NKAIN2: variants seen among roughly 807,000 people sequenced by gnomAD.
NKAIN2 encodes sodium/potassium-transporting ATPase subunit beta-1-interacting protein 2.
A neutral mutation model predicts 32.6 loss-of-function variants in NKAIN2; 14 were observed. The ratio of observed to expected loss-of-function variants is 0.43; its 90% CI spans 0.28 to 0.67. NKAIN2 has a LOEUF of 0.67. Among genes scored for constraint, NKAIN2 ranks in the 30% least tolerant of loss-of-function variants. The pLI is 0.17. For synonymous variants in NKAIN2, 80 were observed against 87.2 expected, an observed-to-expected ratio of 0.92 and a Z score of 0.46; for missense variants, 198 against 258.3, an observed-to-expected ratio of 0.77 and a Z score of 1.60.
intron 3 of NKAIN2, among the ~76,000 whole-genome samples, chr6:124,536,268 T>G (rs1297423651): frequency 1.3e-5 from 2 of 152,180 alleles, no homozygotes; most frequent in Non-Finnish European, 2.9e-5. Flanking sequence ...CAACTGAGTC[T>G]TTATTGAGTA....
At position 124,611,542 on chromosome 6, in the gene NKAIN2, G is replaced by A. The variant is rs867568693; in HGVS notation, c.274-46644G>A. On this transcript the variant is annotated intron_variant, in intron 3 of 6. Transcript: ENST00000368417. ...CTCCCTTCGCTTGCCCCCACCTCCC[G>A]ACAGGCCCTGGTGTGTAATGTTCCC... Among the ~76,000 whole-genome samples the A allele has an allele frequency of 2.6e-5, 4 of 151,974 alleles. No individual in the cohort carries two copies. In the South Asian group the frequency reaches 6.2e-4, roughly 24 times the overall value.
intron 4 of NKAIN2, among the ~76,000 whole-genome samples, chr6:124,774,063 TC>T (rs1778880141): frequency 6.6e-6 from 1 of 151,822 alleles, no homozygotes; most frequent in Non-Finnish European, 1.5e-5. Flanking sequence ...GATTGGAGAG[TC>T]ATGGAAGATT....
chr6:124,429,251 T>C (rs1431544124), intron 3 of NKAIN2, among the ~76,000 whole-genome samples: 5 of 152,040 alleles, frequency 3.3e-5, no homozygotes, highest in African/African-American at 1.2e-4. Flanking sequence ...TTTCACTGTT[T>C]TGGTCAGGCT....
At chr6:124,637,919 T>G (rs1783833721) in intron 3 of NKAIN2, among the ~76,000 whole-genome samples, 1 of 152,068 alleles carries the variant, frequency 6.6e-6, no homozygotes, top group African/African-American at 2.4e-5. Context: ...CTAATACTTG[T>G]ATGGAACCAC....
At chr6:124,631,271 T>C (rs1783554823) in intron 3 of NKAIN2, among the ~76,000 whole-genome samples, 1 of 152,160 alleles carries the variant, frequency 6.6e-6, no homozygotes, top group Non-Finnish European at 1.5e-5. Context: ...AATGAGTAGT[T>C]GTCAATGGAG....
intron 1 of NKAIN2, among the ~76,000 whole-genome samples, chr6:123,957,375 T>G (rs1457023053): frequency 2.0e-5 from 3 of 152,204 alleles, no homozygotes; most frequent in African/African-American, 7.2e-5. Flanking sequence ...GTCTTTATTT[T>G]TGTATCATCA....
At chr6:123,836,358 TACC>T (rs1477891727) in intron 1 of NKAIN2, among the ~76,000 whole-genome samples, 1 of 152,126 alleles carries the variant, frequency 6.6e-6, no homozygotes, top group Non-Finnish European at 1.5e-5. Flanking sequence ...AGATTAATAT[TACC>T]ACGAGAAATT....
chr6:124,624,418 T>C (rs74322738), intron 3 of NKAIN2, among the ~76,000 whole-genome samples: 3,610 of 152,240 alleles, frequency 0.024, 119 homozygotes, highest in African/African-American at 0.084. Flanking sequence ...CTGAGACCCT[T>C]TGTGGCTTTA....
chr6:124,660,964 C>G (rs1382061232), intron 4 of NKAIN2, among the ~76,000 whole-genome samples: 4 of 152,214 alleles, frequency 2.6e-5, no homozygotes, highest in Non-Finnish European at 4.4e-5. Flanking sequence ...TGTCTTAAAT[C>G]TCTGTCCCTC....
chr6:123,901,617 G>C (rs947834880), intron 1 of NKAIN2, among the ~76,000 whole-genome samples: 8 of 151,954 alleles, frequency 5.3e-5, no homozygotes, highest in African/African-American at 1.9e-4. Context: ...TTTCCCTTCC[G>C]GCTCCCTCTG....
chr6:123,960,558 A>G lies in NKAIN2; in HGVS notation c.54+156304A>G, dbSNP rs551005483. 2.0e-5 allele frequency among the ~76,000 whole-genome samples: 3 copies of G among 152,072 alleles called. No individual in the cohort carries two copies. In the South Asian group the frequency reaches 6.2e-4, roughly 32 times the overall value. On this transcript the variant is annotated intron_variant, in intron 1 of 6. Transcript: ENST00000368417. ...GCCATTCTTGAAGGAAAGTCTTCAC[A>G]TGGTTTCAACTCTGCAGCCCTCCTA...
intron 4 of NKAIN2, among the ~76,000 whole-genome samples, chr6:124,697,606 T>A (rs1257894313): frequency 6.6e-6 from 1 of 152,188 alleles, no homozygotes; most frequent in Non-Finnish European, 1.5e-5. Context: ...TGATGCAGGA[T>A]TTCAGCCTGC....
intron 1 of NKAIN2, among the ~76,000 whole-genome samples, chr6:124,169,347 C>T (rs1257469878): frequency 6.6e-6 from 1 of 152,076 alleles, no homozygotes; most frequent in South Asian, 2.1e-4. Context: ...GCTCTTTTCA[C>T]AAGTTTATCT....
chr6:123,975,314 GA>G (rs1381963084), intron 1 of NKAIN2, among the ~76,000 whole-genome samples: 7 of 152,150 alleles, frequency 4.6e-5, no homozygotes, highest in African/African-American at 9.6e-5. Context: ...ACTTGAATGT[GA>G]AAAAAATTAT....
intron 3 of NKAIN2, among the ~76,000 whole-genome samples, chr6:124,610,317 G>A (rs538635057): frequency 2.0e-5 from 3 of 152,272 alleles, no homozygotes; most frequent in East Asian, 1.9e-4. Context: ...ACACATAACC[G>A]TCAGTCAAAA....
chr6:124,804,435 C>A (rs1306305225), intron 5 of NKAIN2: 7 of 841,174 alleles, frequency 8.3e-6, no homozygotes, highest in Non-Finnish European at 1.0e-5. Flanking sequence ...ACTATTATAG[C>A]TATTGCTTTT....
intron 4 of NKAIN2, among the ~76,000 whole-genome samples, chr6:124,660,622 C>A (rs1304700825): frequency 3.3e-5 from 5 of 152,172 alleles, no homozygotes; most frequent in Non-Finnish European, 5.9e-5. Context: ...TTTGAGTAAA[C>A]CATCCTAGGA....
At chr6:124,575,653 C>T (rs974371029) in intron 3 of NKAIN2, among the ~76,000 whole-genome samples, 3 of 152,140 alleles carry the variant, frequency 2.0e-5, no homozygotes, top group African/African-American at 4.8e-5. Context: ...TGCCTTCTAC[C>T]GGGGAATTGC....
intron 3 of NKAIN2, among the ~76,000 whole-genome samples, chr6:124,567,972 A>C (rs571425): frequency 0.99 from 150,950 of 152,180 alleles, 74,875 homozygotes; most frequent in East Asian, 1. Flanking sequence ...TGACTGTTAG[A>C]TGCAGGTGAG....
Sources: gnomAD v4.1 joint callset for allele counts (sites outside exome capture counted in the v4.1 genomes callset) on GRCh38, gnomAD v4.1.1 for gene constraint, MANE v1.5 for transcripts, NCBI Gene and HGNC (gene_info 2026-07-23, HGNC 2026-07-21) for gene names.